Variants in TPRG1 observed in about 807,000 individuals in gnomAD.
The protein encoded by TPRG1 is tumor protein p63-regulated gene 1 protein.
TPRG1 carries 29 observed loss-of-function variants against 29.3 expected under a neutral mutation model. The ratio of observed to expected loss-of-function variants is 0.99; its 90% CI spans 0.74 to 1.35. The LOEUF is 1.35. TPRG1 is among the 40% of genes most tolerant of loss of function. The pLI is 0.00. For synonymous variants in TPRG1, 130 were observed against 116.8 expected (o/e 1.11, Z -0.73); for missense variants, 327 against 335.0 (o/e 0.98, Z 0.19).
chr3:189,274,027 G>GA (rs59914951), intron 4 of TPRG1, among the ~76,000 whole-genome samples: 49,960 of 151,812 alleles, frequency 0.33, 11,771 homozygotes, highest in African/African-American at 0.67. Context: ...AAATTATGTT[G>GA]AATGGCCTCA....
At chr3:189,232,811 T>G (rs1320318573) in intron 3 of TPRG1, among the ~76,000 whole-genome samples, 2 of 152,176 alleles carry the variant, frequency 1.3e-5, no homozygotes, top group African/African-American at 4.8e-5. Context: ...ACCAAATGAC[T>G]GAAAGAAAAA....
chr3:189,037,925 T>G (rs562474496), intron 4 of TPRG1, among the ~76,000 whole-genome samples: 5 of 150,858 alleles, frequency 3.3e-5, no homozygotes, highest in Admixed American at 2.0e-4. Flanking sequence ...GCATACAAGA[T>G]CTGAATGAAT....
intron 5 of TPRG1, among the ~76,000 whole-genome samples, chr3:189,162,913 G>A (rs182046258): frequency 2.0e-5 from 3 of 152,314 alleles, no homozygotes; most frequent in Non-Finnish European, 4.4e-5. Context: ...TCTGGCACAT[G>A]ATAAGCACTA....
chr3:189,315,281 T>C (rs1723315326), intron 5 of TPRG1, among the ~76,000 whole-genome samples: 1 of 50,024 alleles, frequency 2.0e-5, no homozygotes, highest in South Asian at 8.4e-4. Flanking sequence ...GAAAGAATTG[T>C]GTGTGTGTGT....
intron 4 of TPRG1, among the ~76,000 whole-genome samples, chr3:189,284,094 G>A (rs955235797): frequency 3.9e-5 from 6 of 152,016 alleles, no homozygotes; most frequent in Non-Finnish European, 5.9e-5. Context: ...TCTCACCCAC[G>A]TTTCCCAGGT....
chr3:189,056,554 C>G (rs1004306511), intron 4 of TPRG1, among the ~76,000 whole-genome samples: 10 of 152,196 alleles, frequency 6.6e-5, no homozygotes, highest in African/African-American at 2.4e-4. Flanking sequence ...ATCAATCTCT[C>G]CATGATTACA....
intron 3 of TPRG1, among the ~76,000 whole-genome samples, chr3:189,020,970 C>T (rs1210755106): frequency 7.0e-6 from 1 of 143,708 alleles, no homozygotes. Context: ...GAATTGATCC[C>T]TTTACCATTA....
At chr3:189,251,053 C>G (rs543319177) in intron 4 of TPRG1, among the ~76,000 whole-genome samples, 3 of 152,008 alleles carry the variant, frequency 2.0e-5, no homozygotes, top group East Asian at 3.9e-4. Flanking sequence ...TTACTTGCCT[C>G]TCTTCCCCTC....
intron 4 of TPRG1, among the ~76,000 whole-genome samples, chr3:189,028,054 A>G (rs1337985479): frequency 6.6e-6 from 1 of 152,148 alleles, no homozygotes. Context: ...TATTTCATCA[A>G]GTATTTACTT....
chr3:189,144,750 A>G (rs1433556824), intron 3 of TPRG1, among the ~76,000 whole-genome samples: 1 of 152,248 alleles, frequency 6.6e-6, no homozygotes, highest in South Asian at 2.1e-4. Flanking sequence ...TTTACCATAA[A>G]CAGGTTGTGT....
intron 3 of TPRG1, among the ~76,000 whole-genome samples, chr3:189,016,918 T>C (rs530272308): frequency 6.6e-4 from 101 of 152,282 alleles, no homozygotes; most frequent in Middle Eastern, 3.4e-3. Context: ...TAGTTCTCTA[T>C]AGCAGTGTGA....
intron 4 of TPRG1, among the ~76,000 whole-genome samples, chr3:189,088,970 ATC>A (rs1560437427): frequency 2.2e-5 from 1 of 44,872 alleles, no homozygotes; most frequent in African/African-American, 2.5e-4. Flanking sequence ...ATCTATTGAT[ATC>A]TATCTATCTA....
At chr3:189,146,605 T>C (rs1179550789) in intron 3 of TPRG1, among the ~76,000 whole-genome samples, 2 of 152,174 alleles carry the variant, frequency 1.3e-5, no homozygotes, top group African/African-American at 2.4e-5. Flanking sequence ...ATCCCCCATA[T>C]TATAATTGCT....
chr3:189,079,788 C>T (rs1188613646), intron 4 of TPRG1, among the ~76,000 whole-genome samples: 1 of 152,146 alleles, frequency 6.6e-6, no homozygotes, highest in Non-Finnish European at 1.5e-5. Context: ...CTTCTAAGCA[C>T]ATGTTTAAGA....
At chr3:189,049,572 C>G (rs1715186911) in intron 4 of TPRG1, among the ~76,000 whole-genome samples, 1 of 152,134 alleles carries the variant, frequency 6.6e-6, no homozygotes, top group East Asian at 1.9e-4. Flanking sequence ...ACACAGGTAG[C>G]TGAAGACAAA....
At chr3:189,320,567 A>C in intron 5 of TPRG1, 59 bp from the exon 6 acceptor site, 1 of 1,446,818 alleles carries the variant, frequency 6.9e-7, no homozygotes, top group Non-Finnish European at 9.3e-7. Flanking sequence ...TGGGGAGATG[A>C]GTATCTCTCA....
intron 4 of TPRG1, among the ~76,000 whole-genome samples, chr3:189,028,556 A>T (rs964358329): frequency 1.3e-5 from 2 of 152,172 alleles, no homozygotes; most frequent in African/African-American, 4.8e-5. Context: ...AAAACAAAGA[A>T]CTTTGTGTGT....
intron 4 of TPRG1, among the ~76,000 whole-genome samples, chr3:189,095,003 T>C (rs753884795): frequency 2.6e-5 from 4 of 152,176 alleles, no homozygotes; most frequent in Admixed American, 2.0e-4. Context: ...TCTTGTGTCA[T>C]GTGTATTGAT....
intron 1 of TPRG1, among the ~76,000 whole-genome samples, chr3:189,104,300 T>G (rs183169993): frequency 9.2e-4 from 140 of 152,278 alleles, no homozygotes; most frequent in Non-Finnish European, 2.1e-4. Context: ...CTAACCACAG[T>G]GCTTGACAGG....
Sources: allele counts gnomAD v4.1 joint callset (sites outside exome capture counted in the v4.1 genomes callset), GRCh38; gene constraint gnomAD v4.1.1; transcripts MANE v1.5; gene names NCBI Gene and HGNC (gene_info 2026-07-23, HGNC 2026-07-21).